Variants in AGBL1 observed in about 807,000 individuals in gnomAD.
The protein encoded by AGBL1 is cytosolic carboxypeptidase 4.
In AGBL1, 130 loss-of-function variants were observed where a neutral mutation model predicts 118.9. The ratio of observed to expected loss-of-function variants is 1.09; its 90% CI spans 0.95 to 1.26. The LOEUF is 1.26. AGBL1 is among the 50% of genes most tolerant of loss of function. AGBL1 has a pLI of 0.00. For missense variants in AGBL1, 1,584 were observed against 1,298.1 expected, an observed-to-expected ratio of 1.22 and a Z score of -3.38; for synonymous variants, 555 against 478.9, an observed-to-expected ratio of 1.16 and a Z score of -2.08.
At chr15:86,580,867 C>T (rs1439647230) in intron 21 of AGBL1, among the ~76,000 whole-genome samples, 3 of 152,118 alleles carry the variant, frequency 2.0e-5, no homozygotes, top group African/African-American at 7.2e-5. Flanking sequence ...GAATTTTCCA[C>T]ATTGCTTTGA....
At chr15:86,315,078 A>C (rs2079980734) in intron 17 of AGBL1, among the ~76,000 whole-genome samples, 1 of 152,212 alleles carries the variant, frequency 6.6e-6, no homozygotes, top group African/African-American at 2.4e-5. Context: ...CTTGTTAAAT[A>C]CTCATACCCA....
chr15:86,246,776 A>G (rs2141989926), intron 6 of AGBL1, among the ~76,000 whole-genome samples: 1 of 152,370 alleles, frequency 6.6e-6, no homozygotes, highest in Middle Eastern at 3.4e-3. Context: ...ATTAGCTTCC[A>G]TTCTCTTTAG....
At chr15:86,944,348 C>T (rs190502167) in intron 23 of AGBL1, among the ~76,000 whole-genome samples, 79 of 152,096 alleles carry the variant, frequency 5.2e-4, no homozygotes, top group Admixed American at 2.6e-3. Context: ...CACTGCACTC[C>T]AGCCTGGGCA....
At chr15:86,526,320 C>T (rs979157852) in intron 19 of AGBL1, among the ~76,000 whole-genome samples, 5 of 151,932 alleles carry the variant, frequency 3.3e-5, no homozygotes, top group African/African-American at 9.7e-5. Context: ...TCTCAAAGAA[C>T]TAAAAGGAGA....
Position 86,410,993 on chromosome 15 carries a change from A to G in AGBL1, c.2555+13447A>G, listed in dbSNP as rs567118766. ...AAGTTTTGGTTATCCTTTTGATTTT[A>G]AAATTATGGGGCAAGTATAGAACTG... is the stretch of plus-strand genomic sequence containing the variant. On this transcript the variant is annotated intron_variant, in intron 18 of 22. Transcript: ENST00000614907. Among the ~76,000 whole-genome samples the G allele has an allele frequency of 4.2e-5, 6 of 142,338 alleles. No individual in the cohort carries two copies. The East Asian group carries it at 1.2e-3, about 29-fold the overall frequency. The allele number at this position is 142,338 out of a possible 152,430, so 93.4% of individuals were successfully genotyped here.
intron 22 of AGBL1, among the ~76,000 whole-genome samples, chr15:86,739,299 C>T (rs568759446): frequency 2.0e-4 from 30 of 151,642 alleles, no homozygotes; most frequent in African/African-American, 2.7e-4. Context: ...CAAAATTAGC[C>T]GGGCTTGGTG....
At chr15:86,947,635 A>G (rs555668466) in intron 23 of AGBL1, among the ~76,000 whole-genome samples, 3 of 152,304 alleles carry the variant, frequency 2.0e-5, no homozygotes, top group East Asian at 3.9e-4. Context: ...ACAACACTGA[A>G]GGAAGAAAAT....
chr15:86,218,711 T>C (rs1207946278), intron 5 of AGBL1, among the ~76,000 whole-genome samples: 2 of 152,230 alleles, frequency 1.3e-5, no homozygotes, highest in African/African-American at 4.8e-5. Context: ...AGTTGGTGGC[T>C]TGTAGAAACT....
At chr15:86,870,681 G>A (rs760059562) in intron 22 of AGBL1, among the ~76,000 whole-genome samples, 2 of 152,044 alleles carry the variant, frequency 1.3e-5, no homozygotes, top group African/African-American at 4.8e-5. Flanking sequence ...GAAAAAAAAG[G>A]CATCTGATGA....
At position 86,613,760 on chromosome 15, in the gene AGBL1, G is replaced by A. The variant is rs2084687545; in HGVS notation, c.2994+59223G>A. On this transcript the variant is annotated intron_variant, in intron 21 of 22. Coordinates refer to ENST00000614907, the MANE Select transcript of AGBL1 (RefSeq NM_001386094.1). The surrounding 1 kb of genome is among the most constrained non-coding windows in gnomAD (Gnocchi z 4.2). Reference sequence around the variant, plus strand: ...AGAACAGCATCATCTCCATCACCAGGGAGCTTGTTAGAAATGCAGAATTTC... The same window carrying A: ...AGAACAGCATCATCTCCATCACCAGAGAGCTTGTTAGAAATGCAGAATTTC... 2.0e-5 allele frequency among the ~76,000 whole-genome samples: 3 copies of A among 152,144 alleles called. No individual in the cohort carries two copies. The highest frequency in any genetic ancestry group is 1.3e-4 in the Admixed American group (2 of 15,272).
chr15:86,880,113 A>G (rs1157427164), intron 22 of AGBL1, among the ~76,000 whole-genome samples: 2 of 152,108 alleles, frequency 1.3e-5, no homozygotes, highest in Admixed American at 6.6e-5. Flanking sequence ...CGACATTTAC[A>G]TTTTTCTTTT....
intron 23 of AGBL1, among the ~76,000 whole-genome samples, chr15:86,940,687 TGGAG>T (rs1484360873): frequency 6.6e-6 from 1 of 152,202 alleles, no homozygotes; most frequent in Non-Finnish European, 1.5e-5. Flanking sequence ...TTGAGAAATC[TGGAG>T]GGAGAGATAG....
intron 22 of AGBL1, among the ~76,000 whole-genome samples, chr15:86,814,070 G>A (rs28639955): frequency 0.049 from 7,518 of 152,162 alleles, 606 homozygotes; most frequent in African/African-American, 0.17. Context: ...CAACCCCTAC[G>A]CTGTGGACTG....
chr15:86,386,905 TAAA>T (rs1567230578), intron 17 of AGBL1, among the ~76,000 whole-genome samples: 1 of 152,098 alleles, frequency 6.6e-6, no homozygotes, highest in African/African-American at 2.4e-5. Flanking sequence ...AATGAATGAA[TAAA>T]AAATGAGTGA....
At chr15:86,605,449 T>C (rs999237848) in intron 21 of AGBL1, among the ~76,000 whole-genome samples, 3 of 152,204 alleles carry the variant, frequency 2.0e-5, no homozygotes, top group Non-Finnish European at 4.4e-5. Context: ...AGCTAAAAAC[T>C]GTCCTTTGAT....
intron 22 of AGBL1, among the ~76,000 whole-genome samples, chr15:86,778,778 T>A (rs1839986): frequency 6.6e-6 from 1 of 152,032 alleles, no homozygotes; most frequent in Non-Finnish European, 1.5e-5. Flanking sequence ...GCAACATACA[T>A]CCTCCTCAGT....
At chr15:86,692,528 G>A (rs140308396) in intron 22 of AGBL1, among the ~76,000 whole-genome samples, 22 of 152,212 alleles carry the variant, frequency 1.4e-4, no homozygotes, top group East Asian at 1.4e-3. Context: ...CAATGGCTTC[G>A]CAAGGAGGGA....
intron 17 of AGBL1, among the ~76,000 whole-genome samples, chr15:86,329,174 C>A (rs907374576): frequency 2.0e-5 from 3 of 152,060 alleles, no homozygotes; most frequent in African/African-American, 7.2e-5. Context: ...TGGGTGCCTA[C>A]CCCAGCCTGT....
intron 22 of AGBL1, among the ~76,000 whole-genome samples, chr15:86,677,940 C>T (rs1246594928): frequency 1.3e-5 from 2 of 152,152 alleles, no homozygotes; most frequent in Non-Finnish European, 2.9e-5. Context: ...CAGATAACTA[C>T]TGTCAGCATT....
Sources: allele counts gnomAD v4.1 joint callset (sites outside exome capture counted in the v4.1 genomes callset), GRCh38; gene constraint gnomAD v4.1.1; non-coding constraint Gnocchi (gnomAD v3.1); transcripts MANE v1.5; gene names NCBI Gene and HGNC (gene_info 2026-07-23, HGNC 2026-07-21).